Variants in STAT5B observed in about 807,000 individuals in gnomAD.
STAT5B encodes signal transducer and activator of transcription 5B, also known as transcription factor STAT5B.
STAT5B carries 21 observed loss-of-function variants against 107.8 expected under a neutral mutation model. That is an observed-to-expected ratio of 0.19 (90% CI 0.14 to 0.28). The LOEUF is 0.28. Among genes scored for constraint, STAT5B ranks in the 10% least tolerant of loss-of-function variants. The pLI, the probability that STAT5B is intolerant of heterozygous loss-of-function variation, is 1.00. For missense variants in STAT5B, 565 were observed against 1,008.2 expected (o/e 0.56, Z 5.95); for synonymous variants, 325 against 401.7 (o/e 0.81, Z 2.28).
rs2080119041 is a variant in STAT5B, at chr17:42,210,437, A to G, written c.1741T>C (p.Leu581=). The change falls in exon 14 of 19, where the codon TTA becomes CTA. Residue 581 remains leucine (L), a synonymous_variant. Coordinates refer to ENST00000293328, the MANE Select transcript of STAT5B (RefSeq NM_012448.4). Reference sequence around the variant, plus strand: ...CAATGAGGCTTGAGATGTTTTTTTAACACTTCCATCACACCGTCAAACCAT... The same window carrying G: ...CAATGAGGCTTGAGATGTTTTTTTAGCACTTCCATCACACCGTCAAACCAT... The part of the protein sequence containing the change: ...WQWFDGVMEV[L]KKHLKPHWND... 15 of 1,614,194 alleles carry G rather than the reference A, an allele frequency of 9.3e-6. No homozygotes were observed. Among genetic ancestry groups the G allele is most frequent in the Non-Finnish European group, 1.2e-5 (14 of 1,180,028 alleles).
chr17:42,218,960 C>T, intron 7 of STAT5B, 82 bp from the exon 8 acceptor site: 1 of 1,609,940 alleles, frequency 6.2e-7, no homozygotes, highest in Non-Finnish European at 8.5e-7. Context: ...CTCCCGTTCC[C>T]CCAGGAAGGC....
intron 16 of STAT5B, among the ~76,000 whole-genome samples, chr17:42,206,066 G>T (rs536233133): frequency 4.5e-4 from 69 of 152,124 alleles, no homozygotes; most frequent in African/African-American, 1.5e-3. Context: ...TAATATATTT[G>T]TGTTTTGTTT....
intron 9 of STAT5B, 104 bp downstream of exon 9, chr17:42,218,047 C>T (rs939367785): frequency 6.5e-7 from 1 of 1,541,040 alleles, no homozygotes; most frequent in East Asian, 2.4e-5. Flanking sequence ...CCAGAAGAGG[C>T]CAGAAGGGCA....
At chr17:42,203,430 C>T (rs935677580) in intron 16 of STAT5B, among the ~76,000 whole-genome samples, 4 of 151,540 alleles carry the variant, frequency 2.6e-5, no homozygotes, top group Admixed American at 1.3e-4. Context: ...AAAAAAACAC[C>T]TTGAAAAGCT....
chr17:42,202,754 T>C lies in STAT5B; in HGVS notation c.2129+3A>G. 6.2e-7 allele frequency: 1 copy of C among 1,614,022 alleles called. No homozygotes were observed. The highest frequency in any genetic ancestry group is 1.1e-5 in the South Asian group (1 of 91,074). ...GGAGAGCCACAGCCACCTGGACACT[T>C]ACTCAGGGACCACTTGCTTGATCTG... On this transcript the variant is annotated splice_donor_region_variant and intron_variant, in intron 17 of 18. Coordinates refer to ENST00000293328, the MANE Select transcript of STAT5B (RefSeq NM_012448.4).
chr17:42,275,557 G>A (rs2080757708), intron 1 of STAT5B: 1 of 151,978 alleles, frequency 6.6e-6, no homozygotes, highest in African/African-American at 2.4e-5. Context: ...CTCCCCTTCC[G>A]ACTCTCCATA....
In STAT5B at chr17:42,201,795, C is replaced by T; in HGVS notation, c.2307G>A (p.Val769=). The change falls in exon 19 of 19, where the codon GTG becomes GTA. Residue 769 remains valine (V), a synonymous_variant. Coordinates refer to ENST00000293328, the MANE Select transcript of STAT5B (RefSeq NM_012448.4). The part of the protein sequence containing the change: ...LEDTMDVARR[V]EELLGRPMDS... ...CCATTGGCCGGCCCAGGAGCTCCTC[C>T]ACACGCCGCGCTACGTCCATTGTGT... 1 of 1,614,112 alleles carries T rather than the reference C, an allele frequency of 6.2e-7. No homozygotes were observed. Among genetic ancestry groups the T allele is most frequent in the Non-Finnish European group, 8.5e-7 (1 of 1,179,996 alleles).
upstream of STAT5B, among the ~76,000 whole-genome samples, chr17:42,279,477 C>CA (rs375010688): frequency 7.9e-4 from 120 of 152,324 alleles, no homozygotes; most frequent in African/African-American, 2.8e-3. Flanking sequence ...GTGGCAGCCA[C>CA]AGGGCGCTAG....
At position 42,276,143 on chromosome 17, in the gene STAT5B, G is replaced by A. The variant is rs2144449922; in HGVS notation, c.-11+105C>T. On this transcript the variant is annotated intron_variant, in intron 1 of 18. Coordinates refer to ENST00000293328, the MANE Select transcript of STAT5B (RefSeq NM_012448.4). This position sits in a 1 kb window ranked among gnomAD's most constrained non-coding sequence, Gnocchi z 4.8. The stretch of plus-strand genomic sequence containing the variant: ...GGCCCGGGAGTGATGGCGGCGGCGC[G>A]GCCCTGACGGGCGGCTGAGCGGCTG... 6.7e-6 allele frequency: 1 copy of A among 149,640 alleles called. No homozygotes were observed. The highest frequency in any genetic ancestry group is 6.6e-5 in the Admixed American group (1 of 15,082). 9.3% of individuals were successfully genotyped at this position (149,640 alleles called of 1,614,324 possible).
chr17:42,258,052 C>G (rs2080562007), intron 1 of STAT5B, among the ~76,000 whole-genome samples: 1 of 152,050 alleles, frequency 6.6e-6, no homozygotes, highest in African/African-American at 2.4e-5. Context: ...TCTTTAGGGA[C>G]ATATTTTAAA....
chr17:42,275,459 CT>C (rs2080756896), intron 1 of STAT5B: 1 of 152,264 alleles, frequency 6.6e-6, no homozygotes, highest in Admixed American at 6.5e-5. Flanking sequence ...TTGCAACCGC[CT>C]CTTGCTCCGT....
At chr17:42,285,463 G>T in the STAT5B span, among the ~76,000 whole-genome samples, 3 of 152,172 alleles carry the variant, frequency 2.0e-5, no homozygotes, top group Non-Finnish European at 4.4e-5. Context: ...CTTGGATTTG[G>T]GGGTGAAGAG....
At chr17:42,212,740 T>C (rs768179633) in intron 12 of STAT5B, among the ~76,000 whole-genome samples, 1 of 152,256 alleles carries the variant, frequency 6.6e-6, no homozygotes, top group African/African-American at 2.4e-5. Flanking sequence ...TTTAATAAAC[T>C]GCTTTTCAAC....
chr17:42,229,530 T>C (rs923208902), intron 2 of STAT5B, among the ~76,000 whole-genome samples: 34 of 151,312 alleles, frequency 2.2e-4, no homozygotes, highest in Admixed American at 7.2e-4. Flanking sequence ...GAAACCTTAA[T>C]TCTCTGTTAA....
chr17:42,257,522 T>C (rs1190855902), intron 1 of STAT5B, among the ~76,000 whole-genome samples: 1 of 152,236 alleles, frequency 6.6e-6, no homozygotes, highest in Non-Finnish European at 1.5e-5. Context: ...CAATCAAGGA[T>C]TCCACAGTTA....
chr17:42,213,016 C>A (rs1056373607), intron 12 of STAT5B, among the ~76,000 whole-genome samples: 1 of 152,178 alleles, frequency 6.6e-6, no homozygotes, highest in Admixed American at 6.5e-5. Flanking sequence ...ACATGTTCTG[C>A]ATCTTCCTCT....
At chr17:42,229,770 C>G (rs1598313053) in intron 2 of STAT5B, among the ~76,000 whole-genome samples, 1 of 151,592 alleles carries the variant, frequency 6.6e-6, no homozygotes, top group East Asian at 2.0e-4. Context: ...ACTCGGGAAG[C>G]TGAGGCACGA....
intron 4 of STAT5B, 85 bp downstream of exon 4, chr17:42,224,694 A>C: frequency 7.5e-7 from 1 of 1,339,596 alleles, no homozygotes; most frequent in Non-Finnish European, 1.1e-6. Context: ...GTGCACCCTG[A>C]GTCACCTTGA....
At chr17:42,238,753 T>C (rs996168436) in intron 1 of STAT5B, among the ~76,000 whole-genome samples, 3 of 151,620 alleles carry the variant, frequency 2.0e-5, no homozygotes, top group African/African-American at 7.3e-5. Flanking sequence ...TTTTAAAAGA[T>C]GGCATTCCTA....
Sources: gnomAD v4.1 joint callset for allele counts (sites outside exome capture counted in the v4.1 genomes callset) on GRCh38, gnomAD v4.1.1 for gene constraint, Gnocchi (gnomAD v3.1) non-coding constraint, MANE v1.5 for transcripts, NCBI Gene and HGNC (gene_info 2026-07-23, HGNC 2026-07-21) for gene names.